Variants in MGAT4C observed in about 807,000 individuals in gnomAD.
MGAT4C encodes the protein MGAT4 family member C.
In MGAT4C, 19 loss-of-function variants were observed where a neutral mutation model predicts 40.1. The ratio of observed to expected loss-of-function variants is 0.47; its 90% CI spans 0.33 to 0.70. The LOEUF (loss-of-function observed/expected upper bound fraction) is 0.70, where lower values mean the gene tolerates loss of function less well. MGAT4C is among the 30% of genes least tolerant of loss of function. The pLI, the probability that MGAT4C is intolerant of heterozygous loss-of-function variation, is 0.02. For missense variants in MGAT4C, 491 were observed against 563.2 expected (o/e 0.87, Z 1.30); for synonymous variants, 181 against 187.1 (o/e 0.97, Z 0.27).
chr12:86,155,445 C>A lies in MGAT4C; in HGVS notation c.-57+100794G>T, dbSNP rs560726785. ...TAATAGAAAAAATACAAAATAGATA[C>A]ATTCGTAATGTGGTTTAGGTGCTCT... On this transcript the variant is annotated intron_variant, in intron 1 of 4. Transcript: ENST00000611864. Among the ~76,000 whole-genome samples, 43 of 152,202 alleles carry A rather than the reference C, an allele frequency of 2.8e-4. 2 individuals carry two copies. The South Asian group carries it at 8.9e-3, about 32-fold the overall frequency.
intron 1 of MGAT4C, among the ~76,000 whole-genome samples, chr12:86,144,034 A>C (rs1267393286): frequency 1.3e-5 from 2 of 152,208 alleles, no homozygotes; most frequent in African/African-American, 4.8e-5. Context: ...TTCCAGTCAT[A>C]GGGATGATGC....
At chr12:86,197,894 T>C (rs2135923860) in intron 1 of MGAT4C, among the ~76,000 whole-genome samples, 1 of 152,308 alleles carries the variant, frequency 6.6e-6, no homozygotes, top group East Asian at 1.9e-4. Context: ...TTGTAATATC[T>C]GGTAAATAGT....
intron 3 of MGAT4C, among the ~76,000 whole-genome samples, chr12:86,405,570 G>A (rs900291878): frequency 6.6e-6 from 1 of 151,896 alleles, no homozygotes; most frequent in Admixed American, 6.6e-5. Context: ...TTGAAATACA[G>A]TTGTAAAGCA....
At chr12:86,801,098 T>C (rs1009525986) in intron 1 of MGAT4C, among the ~76,000 whole-genome samples, 3 of 151,916 alleles carry the variant, frequency 2.0e-5, no homozygotes, top group South Asian at 2.1e-4. Context: ...GCTGCACTTA[T>C]GGTTGCAACA....
chr12:86,410,916 T>G (rs923839381), intron 3 of MGAT4C, among the ~76,000 whole-genome samples: 2 of 152,180 alleles, frequency 1.3e-5, no homozygotes, highest in African/African-American at 4.8e-5. Context: ...CCTGGTTGTT[T>G]AAAAGTGTGT....
chr12:86,200,127 G>GTTTTTTTTTT (rs56844963), intron 1 of MGAT4C, among the ~76,000 whole-genome samples: 10 of 102,354 alleles, frequency 9.8e-5, no homozygotes, highest in African/African-American at 1.4e-4. Flanking sequence ...GTATGTATTT[G>GTTTTTTTTTT]TTTTTTTTTT....
chr12:86,698,707 GTA>G (rs1950303175), intron 2 of MGAT4C, among the ~76,000 whole-genome samples: 1 of 152,090 alleles, frequency 6.6e-6, no homozygotes, highest in Admixed American at 6.6e-5. Flanking sequence ...GTTGATTTAT[GTA>G]TGAGTGCCGC....
intron 1 of MGAT4C, among the ~76,000 whole-genome samples, chr12:86,772,960 T>C (rs1951664548): frequency 6.6e-6 from 1 of 152,096 alleles, no homozygotes; most frequent in Non-Finnish European, 1.5e-5. Flanking sequence ...GATTCTGGAA[T>C]GAGTTAAGAC....
intron 1 of MGAT4C, among the ~76,000 whole-genome samples, chr12:86,738,040 T>C (rs1018805067): frequency 1.3e-5 from 2 of 151,606 alleles, no homozygotes; most frequent in Non-Finnish European, 3.0e-5. Context: ...GTTTTCCTTT[T>C]CAAAGTGAAT....
chr12:86,026,844 T>TA (rs1890286900), intron 2 of MGAT4C, among the ~76,000 whole-genome samples: 1 of 151,952 alleles, frequency 6.6e-6, no homozygotes, highest in Non-Finnish European at 1.5e-5. Context: ...TGTGTGTGTA[T>TA]AATTTCTCTA....
chr12:86,807,843 C>A (rs896283185), intron 1 of MGAT4C, among the ~76,000 whole-genome samples: 2 of 152,066 alleles, frequency 1.3e-5, no homozygotes, highest in Non-Finnish European at 2.9e-5. Context: ...TATGGTATCT[C>A]ATTGTGATTT....
At chr12:86,011,564 G>T (rs1456934590) in intron 2 of MGAT4C, among the ~76,000 whole-genome samples, 1 of 152,166 alleles carries the variant, frequency 6.6e-6, no homozygotes, top group Admixed American at 6.5e-5. Context: ...GAGAGATGTT[G>T]TTGGCTTATA....
intron 2 of MGAT4C, among the ~76,000 whole-genome samples, chr12:86,038,717 C>T (rs970559247): frequency 1.3e-5 from 2 of 149,742 alleles, no homozygotes; most frequent in African/African-American, 4.9e-5. Context: ...TTAATTGTGG[C>T]ATTTAGCCCA....
intron 2 of MGAT4C, among the ~76,000 whole-genome samples, chr12:86,448,027 T>C (rs1957369085): frequency 6.6e-6 from 1 of 152,174 alleles, no homozygotes; most frequent in African/African-American, 2.4e-5. Flanking sequence ...TGGTGCATGA[T>C]TGACATGCAT....
At chr12:86,811,714 TTTTC>T (rs1316771076) in intron 1 of MGAT4C, among the ~76,000 whole-genome samples, 11 of 151,436 alleles carry the variant, frequency 7.3e-5, no homozygotes, top group African/African-American at 2.4e-4. Context: ...ACAATTTGTG[TTTTC>T]TTTTATTATT....
intron 3 of MGAT4C, among the ~76,000 whole-genome samples, chr12:86,339,782 A>C (rs73387204): frequency 0.01 from 1,564 of 152,174 alleles, 32 homozygotes; most frequent in African/African-American, 0.036. Flanking sequence ...TTAGTATCCA[A>C]GACACTCTTG....
In MGAT4C at chr12:86,020,725, C is replaced by A. The variant is rs866968047; in HGVS notation, c.-7+28949G>T. Among the ~76,000 whole-genome samples, 22 of 152,150 alleles carry A rather than the reference C, an allele frequency of 1.4e-4. No homozygotes were observed. In the South Asian group the frequency reaches 3.9e-3, roughly 27 times the overall value. ...CAAAAGCAATGGCAACAAAAGCCAA[C>A]ATTGACAAATGGGATCTAATTAAAC... On this transcript the variant is annotated intron_variant, in intron 2 of 4. Coordinates refer to ENST00000611864, the MANE Select transcript of MGAT4C (RefSeq NM_001351288.2).
chr12:86,637,970 A>G (rs1232736915), intron 2 of MGAT4C, among the ~76,000 whole-genome samples: 1 of 151,918 alleles, frequency 6.6e-6, no homozygotes, highest in Non-Finnish European at 1.5e-5. Context: ...GATTATTTTA[A>G]TACTTCAGAG....
intron 1 of MGAT4C, among the ~76,000 whole-genome samples, chr12:86,235,888 T>C (rs1320896389): frequency 6.6e-6 from 1 of 151,984 alleles, no homozygotes; most frequent in East Asian, 1.9e-4. Flanking sequence ...TAAATAAATA[T>C]CTATGGTGTG....
Sources: allele counts gnomAD v4.1 joint callset (sites outside exome capture counted in the v4.1 genomes callset), GRCh38; gene constraint gnomAD v4.1.1; transcripts MANE v1.5; gene names NCBI Gene and HGNC (gene_info 2026-07-23, HGNC 2026-07-21).